Variants in UGT3A1 observed in about 807,000 individuals in gnomAD.
UGT3A1 encodes the protein UDP glycosyltransferase family 3 member A1, also known as UDP-glycosyltransferase 3A1.
UGT3A1 carries 40 observed loss-of-function variants against 37.6 expected under a neutral mutation model. The observed-to-expected ratio is 1.06, with a 90% CI of 0.83 to 1.38. The LOEUF (loss-of-function observed/expected upper bound fraction) is 1.38. UGT3A1 is among the 40% of genes most tolerant of loss of function. The pLI, the probability that UGT3A1 is intolerant of heterozygous loss-of-function variation, is 0.00. For missense variants in UGT3A1, 642 were observed against 634.2 expected (o/e 1.01, Z -0.13); for synonymous variants, 256 against 232.3 (o/e 1.10, Z -0.93).
At chr5:35,982,680 T>G (rs766053310) in intron 2 of UGT3A1, among the ~76,000 whole-genome samples, 10 of 152,238 alleles carry the variant, frequency 6.6e-5, no homozygotes, top group Non-Finnish European at 1.3e-4. Flanking sequence ...AAGGCTGGAA[T>G]GAGTTAAGAT....
At chr5:35,972,715 C>T (rs1740095822) in intron 2 of UGT3A1, among the ~76,000 whole-genome samples, 1 of 151,950 alleles carries the variant, frequency 6.6e-6, no homozygotes, top group African/African-American at 2.4e-5. Context: ...TAAGCAAATG[C>T]TTCTAAAAGG....
At chr5:36,000,366 A>G (rs1741192404) in intron 1 of UGT3A1, among the ~76,000 whole-genome samples, 2 of 152,248 alleles carry the variant, frequency 1.3e-5, no homozygotes, top group African/African-American at 4.8e-5. Flanking sequence ...GTGTGCTCCC[A>G]GAAGATGAGA....
intron 2 of UGT3A1, 61 bp downstream of exon 2, chr5:35,988,389 A>G (rs1740805472): frequency 1.6e-6 from 2 of 1,274,000 alleles, no homozygotes; most frequent in African/African-American, 1.5e-5. Flanking sequence ...TGTATAAAAA[A>G]TATATTATCA....
At chr5:35,980,384 G>C (rs1456488338) in intron 2 of UGT3A1, among the ~76,000 whole-genome samples, 1 of 152,160 alleles carries the variant, frequency 6.6e-6, no homozygotes, top group African/African-American at 2.4e-5. Context: ...ATCTGGCCAG[G>C]CCTTCTCCCT....
intron 1 of UGT3A1, chr5:35,990,886 C>A: frequency 7.7e-7 from 1 of 1,296,284 alleles, no homozygotes; most frequent in Non-Finnish European, 9.9e-7. Flanking sequence ...TGGCCCCAGT[C>A]CTGCGGGACG....
chr5:35,990,361 C>T lies in UGT3A1; in HGVS notation c.94+786G>A, dbSNP rs559858159. ...TGATCTAAAAGGAATCCTTTAGCGC[C>T]CACTACGGATTAAAATAAAGTCTTG... On this transcript the variant is annotated intron_variant, in intron 1 of 6. Transcript: ENST00000274278. Among the ~76,000 whole-genome samples the T allele has an allele frequency of 3.9e-5, 6 of 152,092 alleles. No individual in the cohort carries two copies. In the South Asian group the frequency reaches 1.0e-3, roughly 26 times the overall value.
chr5:35,959,594 T>C (rs977087309), intron 4 of UGT3A1, among the ~76,000 whole-genome samples: 2 of 151,468 alleles, frequency 1.3e-5, no homozygotes, highest in Admixed American at 6.6e-5. Flanking sequence ...AAATAATCAG[T>C]GAACTTGAAG....
Position 35,960,327 on chromosome 5 carries a change from A to G in UGT3A1, c.844-2908T>C, listed in dbSNP as rs190949218. Reference sequence around the variant, plus strand: ...CAAGTAGTGTAGTACTGCCATAAAGATAGACACATGGACCAGTGGAATAGA... The same window carrying G: ...CAAGTAGTGTAGTACTGCCATAAAGGTAGACACATGGACCAGTGGAATAGA... On this transcript the variant is annotated intron_variant, in intron 4 of 6. Coordinates refer to ENST00000274278, the MANE Select transcript of UGT3A1 (RefSeq NM_152404.4). Among the ~76,000 whole-genome samples, 94 of 152,342 alleles carry G rather than the reference A, an allele frequency of 6.2e-4. 1 individual carries two copies. Among genetic ancestry groups the G allele is most frequent in the African/African-American group, 1.9e-3 (79 of 41,578 alleles).
chr5:35,967,636 G>A (rs1477456906), intron 3 of UGT3A1, among the ~76,000 whole-genome samples: 1 of 152,168 alleles, frequency 6.6e-6, no homozygotes, highest in Non-Finnish European at 1.5e-5. Flanking sequence ...CAAAAGAGTT[G>A]AAGATCCTAG....
chr5:35,966,178 G>A (rs915457971), intron 3 of UGT3A1, among the ~76,000 whole-genome samples: 11 of 152,194 alleles, frequency 7.2e-5, no homozygotes, highest in African/African-American at 2.4e-4. Flanking sequence ...CCAATTCAAC[G>A]TCCTACTCTG....
At chr5:35,968,990 TTG>T (rs369960825) in intron 2 of UGT3A1, among the ~76,000 whole-genome samples, 1 of 152,328 alleles carries the variant, frequency 6.6e-6, no homozygotes, top group African/African-American at 2.4e-5. Flanking sequence ...TCAGATGGAA[TTG>T]TGTTTCTCAA....
Position 35,965,587 on chromosome 5 carries a change from T to C in UGT3A1, c.642A>G (p.Gln214=), listed in dbSNP as rs1418018454. Residue 214 remains glutamine (Q), a synonymous_variant, in exon 4 of 7, where the codon CAA becomes CAG. Transcript: ENST00000274278. ...TGTCAAATGTAGACTGCATGTCCCA[T>C]TGGCTCCTGGAGAAACTAAAGAACA... ...FLMFFSFSRS[Q]WDMQSTFDNT... 2 of 1,614,232 alleles carry C rather than the reference T, an allele frequency of 1.2e-6. No individual in the cohort carries two copies. The highest frequency in any genetic ancestry group is 1.6e-4 in the Middle Eastern group (1 of 6,062).
upstream of UGT3A1, among the ~76,000 whole-genome samples, chr5:35,994,542 A>C (rs565089190): frequency 2.6e-5 from 4 of 152,218 alleles, no homozygotes; most frequent in African/African-American, 9.6e-5. Flanking sequence ...AGCACTCCCT[A>C]AGATGTTCAG....
chr5:35,951,441 CTTTGCTA>C lies in UGT3A1; in HGVS notation c.*2754_*2760del, dbSNP rs988583898. 2.6e-5 allele frequency: 4 copies of C among 152,172 alleles called. No homozygotes were observed. The South Asian group carries it at 6.2e-4, about 24-fold the overall frequency. The allele number at this position is 152,172 out of a possible 1,614,324, so 9.4% of individuals were successfully genotyped here. On this transcript the variant is annotated 3_prime_UTR_variant, in exon 7 of 7. Coordinates refer to ENST00000274278, the MANE Select transcript of UGT3A1 (RefSeq NM_152404.4). ...GATACATCCTATAGTTACTCTTACT[CTTTGCTA>C]TTTTTTACTTAACCATATTGGAATT...
At chr5:35,983,094 T>G (rs1201549143) in intron 2 of UGT3A1, among the ~76,000 whole-genome samples, 2 of 152,124 alleles carry the variant, frequency 1.3e-5, no homozygotes, top group Non-Finnish European at 2.9e-5. Context: ...ACCTCTTTTC[T>G]TCATAAATTA....
chr5:35,997,661 G>A (rs7726231), intron 1 of UGT3A1, among the ~76,000 whole-genome samples: 29,458 of 151,990 alleles, frequency 0.19, 2,970 homozygotes, highest in South Asian at 0.22. Context: ...TCCTGACCTC[G>A]TGATCCACCC....
intron 1 of UGT3A1, chr5:35,990,879 C>A: frequency 7.9e-7 from 1 of 1,267,228 alleles, no homozygotes; most frequent in Non-Finnish European, 1.0e-6. Flanking sequence ...AAATTTCTGG[C>A]CCCAGTCCTG....
At chr5:35,956,986 G>A (rs1739379255) in intron 5 of UGT3A1, among the ~76,000 whole-genome samples, 1 of 152,150 alleles carries the variant, frequency 6.6e-6, no homozygotes, top group Non-Finnish European at 1.5e-5. Context: ...AAGAGAAAGT[G>A]GCTGTTTTCA....
At chr5:35,990,276 A>T (rs1200565089) in intron 1 of UGT3A1, among the ~76,000 whole-genome samples, 1 of 151,904 alleles carries the variant, frequency 6.6e-6, no homozygotes, top group African/African-American at 2.4e-5. Flanking sequence ...AGAATATCAA[A>T]ATGGGCACTA....
Sources: gnomAD v4.1 joint callset for allele counts (sites outside exome capture counted in the v4.1 genomes callset) on GRCh38, gnomAD v4.1.1 for gene constraint, MANE v1.5 for transcripts, NCBI Gene and HGNC (gene_info 2026-07-23, HGNC 2026-07-21) for gene names.